Variants in CTNND2 observed in about 807,000 individuals in gnomAD.
The protein encoded by CTNND2 is catenin delta-2.
A neutral mutation model predicts 144.4 loss-of-function variants in CTNND2; 22 were observed. The ratio of observed to expected loss-of-function variants is 0.15; its 90% confidence interval spans 0.11 to 0.22. The LOEUF (loss-of-function observed/expected upper bound fraction) is 0.22, where lower values mean the gene tolerates loss of function less well. CTNND2 is among the 10% of genes least tolerant of loss of function. The probability of loss-of-function intolerance (pLI) is 1.00; values close to 1 mark genes in which losing one functional copy is unlikely to be tolerated. For synonymous variants in CTNND2, 751 were observed against 695.6 expected, an observed-to-expected ratio of 1.08 and a Z score of -1.25; for missense variants, 1,353 against 1,618.8, an observed-to-expected ratio of 0.84 and a Z score of 2.82.
At chr5:11,733,852 T>A (rs1787530672) in intron 1 of CTNND2, among the ~76,000 whole-genome samples, 1 of 152,218 alleles carries the variant, frequency 6.6e-6, no homozygotes, top group Admixed American at 6.5e-5. Flanking sequence ...GTTCCCATCT[T>A]TCCCGCACAA....
At chr5:11,332,904 G>A (rs959712015) in intron 9 of CTNND2, among the ~76,000 whole-genome samples, 17 of 152,116 alleles carry the variant, frequency 1.1e-4, no homozygotes, top group Non-Finnish European at 1.9e-4. Context: ...AACCCCTTTC[G>A]TTCATTCTGT....
chr5:11,870,407 T>C (rs1735000591), intron 1 of CTNND2, among the ~76,000 whole-genome samples: 3 of 152,184 alleles, frequency 2.0e-5, no homozygotes, highest in Admixed American at 2.0e-4. Context: ...GAGCCTTCTA[T>C]GTAGTTGGTC....
At chr5:11,080,693 G>A (rs1749456933) in intron 16 of CTNND2, among the ~76,000 whole-genome samples, 1 of 152,184 alleles carries the variant, frequency 6.6e-6, no homozygotes, top group South Asian at 2.1e-4. Context: ...TGAACCTGGA[G>A]GACATTATGC....
At chr5:11,230,221 GA>G (rs1414928679) in intron 10 of CTNND2, among the ~76,000 whole-genome samples, 1 of 107,670 alleles carries the variant, frequency 9.3e-6, no homozygotes, top group African/African-American at 3.6e-5. Flanking sequence ...CTGTGGTGGG[GA>G]GGGGGGAGGG....
intron 16 of CTNND2, among the ~76,000 whole-genome samples, chr5:11,057,714 G>A (rs1746484773): frequency 6.6e-6 from 1 of 152,168 alleles, no homozygotes; most frequent in Non-Finnish European, 1.5e-5. Flanking sequence ...AGTAGAGGTT[G>A]GAACAATTTG....
intron 2 of CTNND2, among the ~76,000 whole-genome samples, chr5:11,582,917 C>T (rs977432438): frequency 1.2e-4 from 19 of 152,192 alleles, no homozygotes; most frequent in Non-Finnish European, 1.6e-4. Flanking sequence ...ATTTCCTCTA[C>T]ACTACAATGA....
Position 11,364,660 on chromosome 5 carries a change from G to A in CTNND2, c.1372+36C>T, listed in dbSNP as rs769570099. The A allele has an allele frequency of 9.6e-6, 15 of 1,557,606 alleles. No homozygotes were observed. The South Asian group carries it at 1.6e-4, about 16-fold the overall frequency. ...AGCTCCCGCGCAGAGCCCACCCCCT[G>A]TGGACAGGCCACCCAGTGGGGTCCT... is the stretch of plus-strand genomic sequence containing the variant. On this transcript the variant is annotated intron_variant, in intron 8 of 21. Transcript: ENST00000304623.
At chr5:11,708,992 G>A (rs1785874255) in intron 2 of CTNND2, among the ~76,000 whole-genome samples, 1 of 152,154 alleles carries the variant, frequency 6.6e-6, no homozygotes, top group Admixed American at 6.5e-5. Flanking sequence ...TGCATCAGTA[G>A]TTATTGGTTT....
intron 2 of CTNND2, among the ~76,000 whole-genome samples, chr5:11,616,211 G>A (rs182070805): frequency 1.4e-4 from 21 of 152,040 alleles, no homozygotes; most frequent in African/African-American, 4.1e-4. Flanking sequence ...CCATTTTCTC[G>A]CTACAAAAAT....
At chr5:11,471,128 C>T (rs886726845) in intron 3 of CTNND2, among the ~76,000 whole-genome samples, 5 of 151,370 alleles carry the variant, frequency 3.3e-5, no homozygotes, top group Admixed American at 2.0e-4. Flanking sequence ...CAGGCGCCCA[C>T]CAACATGCCC....
chr5:10,974,223 A>C (rs1489403782), intron 21 of CTNND2, among the ~76,000 whole-genome samples: 1 of 152,186 alleles, frequency 6.6e-6, no homozygotes, highest in African/African-American at 2.4e-5. Flanking sequence ...CACTTAGCAT[A>C]AAGTTTGCAT....
At chr5:11,474,503 A>T (rs1279254239) in intron 3 of CTNND2, among the ~76,000 whole-genome samples, 1 of 152,246 alleles carries the variant, frequency 6.6e-6, no homozygotes, top group East Asian at 1.9e-4. Flanking sequence ...AAACAAGCAC[A>T]TAAGAGAAGA....
chr5:11,533,261 T>TGATA (rs1201677208), intron 3 of CTNND2, among the ~76,000 whole-genome samples: 1 of 152,238 alleles, frequency 6.6e-6, no homozygotes, highest in Non-Finnish European at 1.5e-5. Flanking sequence ...GGAAACAACA[T>TGATA]GATAGCCTGT....
chr5:11,705,195 C>T (rs1029557496), intron 2 of CTNND2, among the ~76,000 whole-genome samples: 2 of 152,156 alleles, frequency 1.3e-5, no homozygotes, highest in Admixed American at 1.3e-4. Context: ...GACCTTCTGC[C>T]AGGATGATCA....
In CTNND2 at chr5:11,379,758, C is replaced by A. The variant is rs191443305; in HGVS notation, c.1177+4907G>T. Reference sequence around the variant, plus strand: ...CAAAGTGATTCTCTGCCCATTTTTTCTTTGTAATTCCAGCCTCCACACACT... The same window carrying A: ...CAAAGTGATTCTCTGCCCATTTTTTATTTGTAATTCCAGCCTCCACACACT... On this transcript the variant is annotated intron_variant, in intron 7 of 21. Coordinates refer to ENST00000304623, the MANE Select transcript of CTNND2 (RefSeq NM_001332.4). Among the ~76,000 whole-genome samples the A allele has an allele frequency of 5.2e-4, 79 of 152,166 alleles. No homozygotes were observed. In the East Asian group the frequency reaches 0.013, roughly 25 times the overall value.
At chr5:11,315,439 T>A (rs1751383547) in intron 9 of CTNND2, among the ~76,000 whole-genome samples, 1 of 152,252 alleles carries the variant, frequency 6.6e-6, no homozygotes, top group African/African-American at 2.4e-5. Flanking sequence ...CAGTAAAAAC[T>A]GACTTCACAG....
chr5:11,377,573 T>C (rs1232077589), intron 7 of CTNND2, among the ~76,000 whole-genome samples: 3 of 152,160 alleles, frequency 2.0e-5, no homozygotes, highest in East Asian at 3.9e-4. Context: ...TTTCACAGAA[T>C]TCTATATAAA....
At position 11,374,280 on chromosome 5, in the gene CTNND2, G is replaced by A. The variant is rs1415635406; in HGVS notation, c.1178-9390C>T. Among the ~76,000 whole-genome samples, 14 of 152,192 alleles carry A rather than the reference G, an allele frequency of 9.2e-5. 1 individual carries two copies. The highest frequency in any genetic ancestry group is 8.5e-4 in the Admixed American group (13 of 15,276). The stretch of plus-strand genomic sequence containing the variant: ...GAAATTTTGAATTTGTAATATCTTT[G>A]TACAGAAGAACAACATAACTTGACA... On this transcript the variant is annotated intron_variant, in intron 7 of 21. Coordinates refer to ENST00000304623, the MANE Select transcript of CTNND2 (RefSeq NM_001332.4).
At chr5:11,808,950 T>C (rs746842192) in intron 1 of CTNND2, among the ~76,000 whole-genome samples, 15 of 152,178 alleles carry the variant, frequency 9.9e-5, no homozygotes, top group Non-Finnish European at 1.6e-4. Flanking sequence ...CAACTCCAGC[T>C]GGAATGGAAA....
Sources: allele counts gnomAD v4.1 joint callset (sites outside exome capture counted in the v4.1 genomes callset), GRCh38; gene constraint gnomAD v4.1.1; transcripts MANE v1.5; gene names NCBI Gene and HGNC (gene_info 2026-07-23, HGNC 2026-07-21).